CDYL2: variants seen among roughly 807,000 people sequenced by gnomAD.
CDYL2 encodes the protein chromodomain Y-like protein 2.
CDYL2 carries 23 observed loss-of-function variants against 49.4 expected under a neutral mutation model. The ratio of observed to expected loss-of-function variants is 0.47; its 90% CI spans 0.34 to 0.66. The LOEUF (loss-of-function observed/expected upper bound fraction) is 0.66. CDYL2 is among the 30% of genes least tolerant of loss of function. CDYL2 has a pLI of 0.01. For synonymous variants in CDYL2, 360 were observed against 268.8 expected (o/e 1.34, Z -3.32); for missense variants, 678 against 656.4 (o/e 1.03, Z -0.36).
Position 80,604,145 on chromosome 16 carries a change from A to G in CDYL2, c.*243T>C. 1.9e-6 allele frequency: 1 copy of G among 539,390 alleles called. No individual in the cohort carries two copies. The highest frequency in any genetic ancestry group is 3.3e-6 in the Non-Finnish European group (1 of 301,164). 33.4% of individuals were successfully genotyped at this position (539,390 alleles called of 1,614,324 possible). ...GTGCTTGGCGGAGCCCTGGGAAGAT[A>G]CAGCCTTGGACAGCTCTCTGGCCAG... On this transcript the variant is annotated 3_prime_UTR_variant, in exon 7 of 7. Transcript: ENST00000570137.
intron 2 of CDYL2, among the ~76,000 whole-genome samples, chr16:80,668,288 G>A (rs72806167): frequency 0.019 from 2,938 of 152,316 alleles, 39 homozygotes; most frequent in Middle Eastern, 0.034. Flanking sequence ...TTACTCGGAT[G>A]TCAACTTGGT....
chr16:80,756,952 G>C (rs888437948), intron 1 of CDYL2, among the ~76,000 whole-genome samples: 3 of 151,522 alleles, frequency 2.0e-5, no homozygotes, highest in Admixed American at 2.0e-4. Flanking sequence ...AAGACCAAAA[G>C]AACAATCCTA....
chr16:80,766,708 T>C (rs970736098), intron 1 of CDYL2, among the ~76,000 whole-genome samples: 2 of 152,182 alleles, frequency 1.3e-5, no homozygotes, highest in Non-Finnish European at 2.9e-5. Context: ...AGATAGATCA[T>C]ATATCTAACT....
In CDYL2 at chr16:80,694,427, C is replaced by T. The variant is rs182786784; in HGVS notation, c.25-9298G>A. 3.3e-4 allele frequency among the ~76,000 whole-genome samples: 50 copies of T among 152,144 alleles called. 1 individual carries two copies. The highest frequency in any genetic ancestry group is 1.9e-3 in the Admixed American group (29 of 15,294). ...AATTTAAAAAATGACCTTAAGCATA[C>T]ACTAGGTTTGAGCAAATATGTAAAT... On this transcript the variant is annotated intron_variant, in intron 1 of 6. Coordinates refer to ENST00000570137, the MANE Select transcript of CDYL2 (RefSeq NM_152342.4).
intron 2 of CDYL2, among the ~76,000 whole-genome samples, chr16:80,682,957 G>A (rs1910028180): frequency 6.6e-6 from 1 of 152,196 alleles, no homozygotes; most frequent in African/African-American, 2.4e-5. Context: ...TCCTGTTTGG[G>A]TGAAATTCCT....
At chr16:80,769,556 C>G (rs923043997) in intron 1 of CDYL2, among the ~76,000 whole-genome samples, 1 of 152,160 alleles carries the variant, frequency 6.6e-6, no homozygotes, top group African/African-American at 2.4e-5. Context: ...AGGCTGTCAC[C>G]ATGAACATAG....
At chr16:80,788,375 A>G (rs1412738033) in intron 1 of CDYL2, among the ~76,000 whole-genome samples, 1 of 152,198 alleles carries the variant, frequency 6.6e-6, no homozygotes, top group Non-Finnish European at 1.5e-5. Context: ...ATCCTGATTA[A>G]CTCATTCACA....
chr16:80,742,049 C>T (rs1905755313), intron 1 of CDYL2: 1 of 152,158 alleles, frequency 6.6e-6, no homozygotes, highest in African/African-American at 2.4e-5. Context: ...TGTATTTTAA[C>T]CCTTTAAAAA....
At chr16:80,772,334 T>G (rs1365864450) in intron 1 of CDYL2, among the ~76,000 whole-genome samples, 2 of 152,190 alleles carry the variant, frequency 1.3e-5, no homozygotes, top group African/African-American at 2.4e-5. Context: ...CAATTTCCAA[T>G]GGGGCTTAAA....
chr16:80,786,949 T>C (rs1012448859), intron 1 of CDYL2, among the ~76,000 whole-genome samples: 5 of 151,868 alleles, frequency 3.3e-5, no homozygotes, highest in Non-Finnish European at 5.9e-5. Flanking sequence ...GGGATAACAT[T>C]AGGAAAAATA....
intron 4 of CDYL2, 32 bp downstream of exon 4, chr16:80,620,731 C>G (rs1368973356): frequency 1.3e-6 from 2 of 1,552,064 alleles, no homozygotes; most frequent in African/African-American, 1.4e-5. Context: ...CTACGCAGGA[C>G]CCCAGGGTGT....
chr16:80,657,860 T>C (rs1443762120), intron 2 of CDYL2, among the ~76,000 whole-genome samples: 1 of 152,164 alleles, frequency 6.6e-6, no homozygotes, highest in Non-Finnish European at 1.5e-5. Flanking sequence ...AAAATTATTG[T>C]AGCTTTATCT....
intron 1 of CDYL2, among the ~76,000 whole-genome samples, chr16:80,721,316 G>A (rs1013019427): frequency 3.9e-5 from 6 of 152,070 alleles, no homozygotes; most frequent in African/African-American, 9.7e-5. Flanking sequence ...TAAGAAAACC[G>A]AGGCTCAGAA....
chr16:80,673,087 G>A (rs1046489728), intron 2 of CDYL2, among the ~76,000 whole-genome samples: 4 of 152,196 alleles, frequency 2.6e-5, no homozygotes, highest in Admixed American at 1.3e-4. Context: ...GGAGGCCGAG[G>A]TGGGTGGATC....
At chr16:80,634,435 G>C (rs1248428130) in intron 2 of CDYL2, among the ~76,000 whole-genome samples, 1 of 152,294 alleles carries the variant, frequency 6.6e-6, no homozygotes, top group African/African-American at 2.4e-5. Flanking sequence ...ACATAGGTGG[G>C]AATTGAACAA....
At chr16:80,753,803 G>A (rs986640734) in intron 1 of CDYL2, among the ~76,000 whole-genome samples, 1 of 152,136 alleles carries the variant, frequency 6.6e-6, no homozygotes, top group Non-Finnish European at 1.5e-5. Flanking sequence ...TTAAAATGAC[G>A]AATGTCTGCT....
chr16:80,712,190 T>TACAC (rs71894528), intron 1 of CDYL2, among the ~76,000 whole-genome samples: 4 of 45,944 alleles, frequency 8.7e-5, no homozygotes, highest in Non-Finnish European at 1.5e-4. Flanking sequence ...TGTCTGTGTG[T>TACAC]GTATATATAT....
At chr16:80,693,831 TA>T (rs1044544743) in intron 1 of CDYL2, among the ~76,000 whole-genome samples, 8 of 151,624 alleles carry the variant, frequency 5.3e-5, no homozygotes, top group African/African-American at 1.5e-4. Flanking sequence ...TACGCACTTT[TA>T]AAAAAAAATC....
chr16:80,722,733 C>G lies in CDYL2; in HGVS notation c.25-37604G>C, dbSNP rs184173275. Among the ~76,000 whole-genome samples, 4 of 152,316 alleles carry G rather than the reference C, an allele frequency of 2.6e-5. No homozygotes were observed. In the East Asian group the frequency reaches 7.7e-4, roughly 29 times the overall value. ...CAAGATACTGTGCTCCTTCTTTGTACAGGGCTAGGAGCTGGAATTCAAGGA... is the reference window on the plus strand; with the variant it reads ...CAAGATACTGTGCTCCTTCTTTGTAGAGGGCTAGGAGCTGGAATTCAAGGA... On this transcript the variant is annotated intron_variant, in intron 1 of 6. Coordinates refer to ENST00000570137, the MANE Select transcript of CDYL2 (RefSeq NM_152342.4).
Sources: allele counts gnomAD v4.1 joint callset (sites outside exome capture counted in the v4.1 genomes callset), GRCh38; gene constraint gnomAD v4.1.1; transcripts MANE v1.5; gene names NCBI Gene and HGNC (gene_info 2026-07-23, HGNC 2026-07-21).